Variants in FBXO11 observed in about 807,000 individuals in gnomAD.
FBXO11 encodes the protein F-box only protein 11.
FBXO11 carries 13 observed loss-of-function variants against 117.0 expected under a neutral mutation model. That is an observed-to-expected ratio of 0.11 (90% confidence interval 0.07 to 0.18). FBXO11 has a LOEUF of 0.18. FBXO11 is among the 10% of genes least tolerant of loss of function. FBXO11 has a pLI of 1.00. For missense variants in FBXO11, 767 were observed against 1,164.4 expected (o/e 0.66, Z 4.97); for synonymous variants, 490 against 380.5 (o/e 1.29, Z -3.35).
At chr2:47,901,112 T>TACACAC (rs1558488345) in intron 1 of FBXO11, among the ~76,000 whole-genome samples, 1 of 108,968 alleles carries the variant, frequency 9.2e-6, no homozygotes, top group African/African-American at 3.3e-5. Flanking sequence ...TATGTATATA[T>TACACAC]GTACACACGT....
Position 47,905,790 on chromosome 2 carries a change from G to C in FBXO11, c.-70C>G, listed in dbSNP as rs1232365891. ...CACACGCACAGCGAGCTTCGGGGCA[G>C]GAGAAAGGGGTGGGGAGAGTGGGAG... On this transcript the variant is annotated 5_prime_UTR_variant, in exon 1 of 23. Coordinates refer to ENST00000403359, the MANE Select transcript of FBXO11 (RefSeq NM_001190274.2). The C allele has an allele frequency of 1.5e-6, 2 of 1,347,060 alleles. No homozygotes were observed. The highest frequency in any genetic ancestry group is 1.9e-6 in the Non-Finnish European group (2 of 1,029,158). 83.4% of individuals were successfully genotyped at this position (1,347,060 alleles called of 1,614,324 possible). A position where few individuals can be genotyped will look rare whatever the true frequency, so the allele number is the denominator to read the frequency against.
chr2:47,846,583 A>C (rs1402799918), intron 1 of FBXO11, among the ~76,000 whole-genome samples: 2 of 152,146 alleles, frequency 1.3e-5, no homozygotes, highest in African/African-American at 2.4e-5. Flanking sequence ...AAAAATGTTC[A>C]ATTTTAACTA....
intron 1 of FBXO11, among the ~76,000 whole-genome samples, 199 bp from the exon 2 acceptor site, chr2:47,839,968 G>A (rs908250048): frequency 2.0e-5 from 3 of 151,214 alleles, no homozygotes; most frequent in Non-Finnish European, 2.9e-5. Context: ...TTTTGAGACA[G>A]AGTCTCGCTC....
chr2:47,869,616 C>G (rs778501743), intron 1 of FBXO11, among the ~76,000 whole-genome samples: 2 of 152,202 alleles, frequency 1.3e-5, no homozygotes, highest in Non-Finnish European at 2.9e-5. Context: ...CCACGGCCAG[C>G]TGAAGTACTT....
At chr2:47,819,611 T>A (rs759248761) in intron 14 of FBXO11, among the ~76,000 whole-genome samples, 1 of 152,058 alleles carries the variant, frequency 6.6e-6, no homozygotes, top group Non-Finnish European at 1.5e-5. Context: ...ACAGTAATAG[T>A]AGTAGTAGCA....
chr2:47,836,406 T>A (rs1427539054), intron 4 of FBXO11, among the ~76,000 whole-genome samples: 1 of 152,220 alleles, frequency 6.6e-6, no homozygotes, highest in Non-Finnish European at 1.5e-5. Flanking sequence ...TCTATTTCTA[T>A]CACCCAGGCT....
chr2:47,882,655 C>T (rs1676518958), intron 1 of FBXO11, among the ~76,000 whole-genome samples: 1 of 152,002 alleles, frequency 6.6e-6, no homozygotes, highest in Admixed American at 6.6e-5. Context: ...ATCTGTATTT[C>T]TGTACTATTT....
intron 1 of FBXO11, among the ~76,000 whole-genome samples, chr2:47,901,013 AT>A (rs1678207544): frequency 7.0e-6 from 1 of 143,670 alleles, no homozygotes. Flanking sequence ...GGAGATATAT[AT>A]ATTTATGTAT....
intron 1 of FBXO11, among the ~76,000 whole-genome samples, chr2:47,866,897 C>G (rs1675242516): frequency 6.6e-6 from 1 of 152,198 alleles, no homozygotes; most frequent in Admixed American, 6.5e-5. Context: ...CTTCAGACTA[C>G]TTTTAAATAT....
At chr2:47,814,240 C>A (rs1670846515) in intron 16 of FBXO11, 1 of 188,280 alleles carries the variant, frequency 5.3e-6, no homozygotes, top group Non-Finnish European at 1.1e-5. Context: ...AGAGTCGCAT[C>A]AATTTTTTGG....
chr2:47,854,537 C>G (rs137926651), intron 1 of FBXO11, among the ~76,000 whole-genome samples: 1 of 151,802 alleles, frequency 6.6e-6, no homozygotes, highest in African/African-American at 2.4e-5. Context: ...AAAACAGAAC[C>G]TAGCTGTATG....
At chr2:47,826,102 A>G (rs1671736228) in intron 11 of FBXO11, among the ~76,000 whole-genome samples, 1 of 152,104 alleles carries the variant, frequency 6.6e-6, no homozygotes, top group Non-Finnish European at 1.5e-5. Context: ...TTTGTCACCC[A>G]GGCTTGAGTG....
At chr2:47,861,564 C>T (rs1026973548) in intron 1 of FBXO11, among the ~76,000 whole-genome samples, 2 of 152,132 alleles carry the variant, frequency 1.3e-5, no homozygotes, top group Admixed American at 6.5e-5. Flanking sequence ...TCAAGCAATC[C>T]TCCCATCTCA....
intron 1 of FBXO11, among the ~76,000 whole-genome samples, chr2:47,857,948 T>TATAC (rs145891593): frequency 2.6e-5 from 4 of 151,838 alleles, no homozygotes; most frequent in South Asian, 2.1e-4. Flanking sequence ...TATATATATA[T>TATAC]ACACACACAC....
intron 11 of FBXO11, among the ~76,000 whole-genome samples, chr2:47,830,858 T>TCTTA (rs1672127458): frequency 6.6e-6 from 1 of 152,018 alleles, no homozygotes; most frequent in African/African-American, 2.4e-5. Context: ...AAGGCACACA[T>TCTTA]CTTACATCTT....
chr2:47,835,475 T>C (rs1374306642), intron 5 of FBXO11, among the ~76,000 whole-genome samples: 3 of 152,148 alleles, frequency 2.0e-5, no homozygotes, highest in African/African-American at 7.2e-5. Flanking sequence ...TGTTGGTTGA[T>C]AAATGTTCAT....
rs1196485436 is a variant in FBXO11, at chr2:47,833,000, G to A, written c.1005C>T (p.Gly335=). The change falls in exon 8 of 23, where the codon GGC becomes GGT. Residue 335 remains glycine, a synonymous_variant. Transcript: ENST00000403359. ...TRDSTFVFME[G]SEDAYVGYMT... ...TATATCCAACATAAGCATCTTCAGAGCCTTCCATAAAAACGAAGGTTGAAT... is the reference window on the plus strand; with the variant it reads ...TATATCCAACATAAGCATCTTCAGAACCTTCCATAAAAACGAAGGTTGAAT... 3.7e-6 allele frequency: 6 copies of A among 1,613,434 alleles called. No homozygotes were observed. The highest frequency in any genetic ancestry group is 4.5e-5 in the East Asian group (2 of 44,852).
chr2:47,842,767 TA>T (rs1323426712), intron 1 of FBXO11, among the ~76,000 whole-genome samples: 4 of 142,982 alleles, frequency 2.8e-5, no homozygotes, highest in African/African-American at 7.8e-5. Context: ...GAAAAACAAG[TA>T]AATTTTTCTT....
chr2:47,851,270 A>C (rs536577521), intron 1 of FBXO11, among the ~76,000 whole-genome samples: 1 of 152,298 alleles, frequency 6.6e-6, no homozygotes, highest in South Asian at 2.1e-4. Context: ...TCTGTTGCAC[A>C]GGCTGGAGTG....
Sources: gnomAD v4.1 joint callset for allele counts (sites outside exome capture counted in the v4.1 genomes callset) on GRCh38, gnomAD v4.1.1 for gene constraint, MANE v1.5 for transcripts, NCBI Gene and HGNC (gene_info 2026-07-23, HGNC 2026-07-21) for gene names.